The following PHIP variants were observed in gnomAD, a reference collection of about 807,000 sequenced individuals.
The protein encoded by PHIP is PHIP subunit of CUL4-Ring ligase complex.
In PHIP, 54 loss-of-function variants were observed where a neutral mutation model predicts 236.8. The observed-to-expected ratio is 0.23, with a 90% confidence interval of 0.18 to 0.29. The LOEUF (loss-of-function observed/expected upper bound fraction) is 0.29, where lower values mean the gene tolerates loss of function less well. PHIP is among the 10% of genes least tolerant of loss of function. PHIP has a pLI of 1.00. For missense variants in PHIP, 1,370 were observed against 2,190.8 expected (o/e 0.63, Z 7.48); for synonymous variants, 756 against 718.9 (o/e 1.05, Z -0.83).
At chr6:79,043,123 G>C in intron 6 of PHIP, 120 bp from the exon 7 acceptor site, 1 of 738,556 alleles carries the variant, frequency 1.4e-6, no homozygotes, top group South Asian at 1.7e-5. Context: ...GAAGCTTTCT[G>C]ATATATATGG....
intron 19 of PHIP, among the ~76,000 whole-genome samples, chr6:78,994,112 A>G (rs1190788340): frequency 6.6e-6 from 1 of 152,200 alleles, no homozygotes; most frequent in Non-Finnish European, 1.5e-5. Context: ...ACGGCAAGAG[A>G]ACTATAATTA....
chr6:79,072,535 G>A (rs1249831908), intron 4 of PHIP, among the ~76,000 whole-genome samples: 6 of 152,128 alleles, frequency 3.9e-5, no homozygotes, highest in African/African-American at 1.4e-4. Context: ...ACGCTGGAGG[G>A]CAGTGGCATG....
At chr6:78,961,561 T>C (rs1291358952) in intron 31 of PHIP, 129 bp downstream of exon 31, 2 of 831,940 alleles carry the variant, frequency 2.4e-6, no homozygotes, top group African/African-American at 3.6e-5. Context: ...TTCTACATTT[T>C]AACATAATCC....
At chr6:78,988,675 T>TA (rs1204228633) in intron 20 of PHIP, among the ~76,000 whole-genome samples, 1 of 152,160 alleles carries the variant, frequency 6.6e-6, no homozygotes, top group Non-Finnish European at 1.5e-5. Context: ...TTCATCAAGT[T>TA]AAAGGCTTAT....
chr6:79,072,665 T>G (rs1172660371), intron 4 of PHIP, among the ~76,000 whole-genome samples: 1 of 151,914 alleles, frequency 6.6e-6, no homozygotes, highest in East Asian at 1.9e-4. Flanking sequence ...TTTTTTTAGT[T>G]TTTGTAGAGA....
intron 19 of PHIP, 89 bp downstream of exon 19, chr6:78,997,325 A>G: frequency 8.8e-7 from 1 of 1,133,064 alleles, no homozygotes; most frequent in South Asian, 1.5e-5. Context: ...CAGAGGAATT[A>G]CAGAGCTGAA....
At chr6:79,034,393 T>A (rs185161761) in intron 7 of PHIP, among the ~76,000 whole-genome samples, 112 of 152,310 alleles carry the variant, frequency 7.4e-4, no homozygotes, top group Non-Finnish European at 1.2e-3. Context: ...CACTTTGGTA[T>A]TAAAATTATC....
chr6:79,062,733 A>G (rs1366681714), intron 4 of PHIP, among the ~76,000 whole-genome samples: 1 of 152,208 alleles, frequency 6.6e-6, no homozygotes, highest in East Asian at 1.9e-4. Context: ...ATCAACTTTC[A>G]TTTTAAAGTT....
At chr6:78,976,118 C>G (rs1388244558) in intron 24 of PHIP, among the ~76,000 whole-genome samples, 1 of 150,240 alleles carries the variant, frequency 6.7e-6, no homozygotes, top group Non-Finnish European at 1.5e-5. Context: ...TACCTGACTT[C>G]AAACTATACT....
intron 1 of PHIP, 24 bp from the exon 2 acceptor site, chr6:79,077,937 AG>A: frequency 5.7e-6 from 9 of 1,592,486 alleles, no homozygotes; most frequent in Non-Finnish European, 7.7e-6. Context: ...AGGGACGGGG[AG>A]ACACACAGGC....
chr6:79,038,268 G>T (rs1235563453), intron 7 of PHIP, among the ~76,000 whole-genome samples: 2 of 152,220 alleles, frequency 1.3e-5, no homozygotes, highest in Non-Finnish European at 2.9e-5. Flanking sequence ...AGTAGATGTG[G>T]TGTCTGGTAA....
chr6:79,040,341 C>T (rs1404642598), intron 7 of PHIP, among the ~76,000 whole-genome samples: 1 of 152,082 alleles, frequency 6.6e-6, no homozygotes, highest in African/African-American at 2.4e-5. Flanking sequence ...TACTGTATGC[C>T]TCCAGCTGTG....
chr6:79,024,242 A>C (rs1771274552), intron 9 of PHIP, among the ~76,000 whole-genome samples: 1 of 152,222 alleles, frequency 6.6e-6, no homozygotes, highest in African/African-American at 2.4e-5. Flanking sequence ...ACAATTATCT[A>C]AACACTACTG....
chr6:79,021,601 T>C (rs971467879), intron 9 of PHIP, among the ~76,000 whole-genome samples: 10 of 152,336 alleles, frequency 6.6e-5, no homozygotes, highest in African/African-American at 2.4e-4. Context: ...TGGAGGTTAT[T>C]ATGCTAAGTG....
chr6:79,038,431 T>C (rs1772050808), intron 7 of PHIP, among the ~76,000 whole-genome samples: 1 of 152,232 alleles, frequency 6.6e-6, no homozygotes, highest in Non-Finnish European at 1.5e-5. Flanking sequence ...GCTACCACAT[T>C]GGGGATTAAT....
chr6:78,949,914 C>A (rs550495347), intron 35 of PHIP, among the ~76,000 whole-genome samples: 2 of 152,124 alleles, frequency 1.3e-5, no homozygotes, highest in Non-Finnish European at 2.9e-5. Flanking sequence ...GTCTCAAACT[C>A]CTGAGCTCAA....
In PHIP at chr6:78,947,604, A is replaced by G; in HGVS notation, c.4206+19T>C. On this transcript the variant is annotated intron_variant, in intron 36 of 39. Coordinates refer to ENST00000275034, the MANE Select transcript of PHIP (RefSeq NM_017934.7). Reference sequence around the variant, plus strand: ...TCTAACTTAATCTAGTCATAAAAGAAAATAATGTAATTATATACCCTTGAT... The same window carrying G: ...TCTAACTTAATCTAGTCATAAAAGAGAATAATGTAATTATATACCCTTGAT... 1 of 1,232,406 alleles carries G rather than the reference A, an allele frequency of 8.1e-7. No individual in the cohort carries two copies. Among genetic ancestry groups the G allele is most frequent in the Admixed American group, 2.1e-5 (1 of 48,770 alleles). 76.3% of individuals were successfully genotyped at this position (1,232,406 alleles called of 1,614,324 possible).
chr6:79,059,538 T>G (rs977557818), intron 6 of PHIP, among the ~76,000 whole-genome samples: 1 of 145,684 alleles, frequency 6.9e-6, no homozygotes, highest in Non-Finnish European at 1.5e-5. Flanking sequence ...AAAAGCCACT[T>G]TTATATTTTT....
intron 15 of PHIP, among the ~76,000 whole-genome samples, chr6:79,008,128 T>C (rs994174315): frequency 2.0e-5 from 3 of 151,672 alleles, no homozygotes; most frequent in South Asian, 4.2e-4. Flanking sequence ...GAGGCGGAGG[T>C]TGCAGTGAGC....
Sources: gnomAD v4.1 joint callset for allele counts (sites outside exome capture counted in the v4.1 genomes callset) on GRCh38, gnomAD v4.1.1 for gene constraint, MANE v1.5 for transcripts, NCBI Gene and HGNC (gene_info 2026-07-23, HGNC 2026-07-21) for gene names.